Variants in CEP290 observed in about 807,000 individuals in gnomAD.
CEP290 encodes the protein centrosomal protein of 290 kDa.
CEP290 carries 317 observed loss-of-function variants against 344.9 expected under a neutral mutation model. The observed-to-expected ratio is 0.92, with a 90% CI of 0.84 to 1.01. The LOEUF (loss-of-function observed/expected upper bound fraction) is 1.01, where lower values mean the gene tolerates loss of function less well. Among genes scored for constraint, CEP290 ranks in the 50% least tolerant of loss-of-function variants. The probability of loss-of-function intolerance (pLI) is 0.00; values close to 1 mark genes in which losing one functional copy is unlikely to be tolerated. For synonymous variants in CEP290, 932 were observed against 895.8 expected, an observed-to-expected ratio of 1.04 and a Z score of -0.72; for missense variants, 2,754 against 2,761.4, an observed-to-expected ratio of 1.00 and a Z score of 0.06.
intron 44 of CEP290, among the ~76,000 whole-genome samples, chr12:88,064,984 T>C (rs2034792863): frequency 6.6e-6 from 1 of 152,156 alleles, no homozygotes; most frequent in African/African-American, 2.4e-5. Context: ...ATTAATATTA[T>C]ATTTTCATTT....
At chr12:88,119,117 T>C (rs1382012822) in intron 15 of CEP290, among the ~76,000 whole-genome samples, 2 of 147,308 alleles carry the variant, frequency 1.4e-5, no homozygotes, top group African/African-American at 5.4e-5. Context: ...ATAGTCCAAG[T>C]TGATCAGAAG....
At chr12:88,082,944 C>T (rs2036298504) in intron 37 of CEP290, 87 bp downstream of exon 37, 1 of 731,872 alleles carries the variant, frequency 1.4e-6, no homozygotes, top group South Asian at 2.1e-5. Flanking sequence ...AGTCTTAGAA[C>T]AGTGCCTGGC....
At chr12:88,063,835 A>G (rs1279449960) in intron 45 of CEP290, 146 bp downstream of exon 45, 1 of 654,512 alleles carries the variant, frequency 1.5e-6, no homozygotes, top group Non-Finnish European at 2.4e-6. Flanking sequence ...AATAAATGCT[A>G]AAGAGCAAAT....
At chr12:88,082,463 T>C (rs1164888526) in intron 37 of CEP290, among the ~76,000 whole-genome samples, 1 of 152,128 alleles carries the variant, frequency 6.6e-6, no homozygotes, top group African/African-American at 2.4e-5. Context: ...GAGGCCGAAG[T>C]GGGCGGATCA....
intron 23 of CEP290, among the ~76,000 whole-genome samples, chr12:88,107,880 T>C (rs919165295): frequency 6.7e-5 from 10 of 149,410 alleles, no homozygotes; most frequent in Non-Finnish European, 1.3e-4. Flanking sequence ...CCAGCCTGGG[T>C]GACAGAGCAA....
chr12:88,139,047 C>T, intron 5 of CEP290, 98 bp downstream of exon 5: 1 of 662,366 alleles, frequency 1.5e-6, no homozygotes, highest in Non-Finnish European at 2.7e-6. Context: ...TTACAATCAT[C>T]CTTATAATTT....
At chr12:88,051,722 T>A (rs956466841) in intron 52 of CEP290, 7 of 152,150 alleles carry the variant, frequency 4.6e-5, no homozygotes, top group African/African-American at 1.2e-4. Flanking sequence ...TTAATGCACA[T>A]GCACCTGATC....
intron 31 of CEP290, among the ~76,000 whole-genome samples, chr12:88,088,170 T>A (rs187142739): frequency 7.9e-5 from 12 of 152,352 alleles, no homozygotes; most frequent in African/African-American, 2.6e-4. Flanking sequence ...TATGTTGGAA[T>A]GGACATCACT....
intron 41 of CEP290, among the ~76,000 whole-genome samples, chr12:88,074,157 G>A (rs749632495): frequency 3.9e-5 from 6 of 152,040 alleles, no homozygotes; most frequent in Non-Finnish European, 8.8e-5. Flanking sequence ...CCCAGGAGGC[G>A]GAGGTTGCAG....
At chr12:88,054,466 A>G in intron 50 of CEP290, 53 bp from the exon 51 acceptor site, 1 of 1,291,288 alleles carries the variant, frequency 7.7e-7, no homozygotes, top group Non-Finnish European at 1.1e-6. Flanking sequence ...AAATATGAGG[A>G]TTTATAAAGA....
In CEP290 at chr12:88,089,014, T is replaced by A; in HGVS notation, c.4029+18A>T. ...AGATACTGTCTCTTAAAAAAAAAAATCAAGTTTAAATGTTTACCTTTTGGG... is the reference window on the plus strand; with the variant it reads ...AGATACTGTCTCTTAAAAAAAAAAAACAAGTTTAAATGTTTACCTTTTGGG... On this transcript the variant is annotated intron_variant, in intron 31 of 53. Transcript: ENST00000552810. The A allele has an allele frequency of 6.9e-7, 1 of 1,455,692 alleles. No individual in the cohort carries two copies. The highest frequency in any genetic ancestry group is 9.2e-7 in the Non-Finnish European group (1 of 1,092,458). 90.2% of individuals were successfully genotyped at this position (1,455,692 alleles called of 1,614,324 possible). A position where few individuals can be genotyped will look rare whatever the true frequency, so the allele number is the denominator to read the frequency against.
intron 26 of CEP290, among the ~76,000 whole-genome samples, chr12:88,099,332 T>C (rs1429944715): frequency 1.3e-5 from 2 of 152,214 alleles, no homozygotes; most frequent in East Asian, 1.9e-4. Context: ...GAGTTCATTG[T>C]GGACACGTTA....
chr12:88,071,541 T>C lies in CEP290; in HGVS notation c.5856-92A>G. 8 of 1,068,294 alleles carry C rather than the reference T, an allele frequency of 7.5e-6. No individual in the cohort carries two copies. The South Asian group carries it at 1.3e-4, about 18-fold the overall frequency. The allele number at this position is 1,068,294 out of a possible 1,614,324, so 66.2% of individuals were successfully genotyped here. On this transcript the variant is annotated intron_variant, in intron 42 of 53. Coordinates refer to ENST00000552810, the MANE Select transcript of CEP290 (RefSeq NM_025114.4). ...TTACCAAACCAAATTACAATAATTG[T>C]AACACCCTATATTTGTCATAAGCTA... is the stretch of plus-strand genomic sequence containing the variant.
intron 50 of CEP290, 47 bp downstream of exon 50, chr12:88,055,529 G>A (rs568347032): frequency 1.2e-5 from 18 of 1,470,880 alleles, no homozygotes; most frequent in East Asian, 9.6e-5. Context: ...AACATCTTGC[G>A]ATATTATGCA....
rs1374659944 is a variant in CEP290, at chr12:88,077,700, T to G, written c.5583A>C (p.Leu1861Phe). The G allele has an allele frequency of 1.4e-5, 21 of 1,514,618 alleles. No individual in the cohort carries two copies. The highest frequency in any genetic ancestry group is 1.8e-5 in the Non-Finnish European group (20 of 1,117,562). The allele number at this position is 1,514,618 out of a possible 1,614,324, so 93.8% of individuals were successfully genotyped here. A position where few individuals can be genotyped will look rare whatever the true frequency, so the allele number is the denominator to read the frequency against. ...KRQIKRLTSGLQGKPLTDNKQ... is the reference protein window; with the variant it reads ...KRQIKRLTSGFQGKPLTDNKQ... ...TCAGAGTTAAATATAAAATTACCTG[T>G]AATCCACTGGTTAGTCTTTTAATTT... The change falls in exon 40 of 54, where the codon TTA becomes TTC. Residue 1861 changes from leucine (L) to phenylalanine (F), a missense_variant. Physicochemically the swap from Leu to Phe is conservative, Grantham distance 22. Coordinates refer to ENST00000552810, the MANE Select transcript of CEP290 (RefSeq NM_025114.4).
chr12:88,132,044 T>C (rs527340930), intron 6 of CEP290, among the ~76,000 whole-genome samples: 1 of 152,346 alleles, frequency 6.6e-6, no homozygotes, highest in South Asian at 2.1e-4. Flanking sequence ...AGTTTTCTCA[T>C]ACATGCTGAC....
At chr12:88,131,555 G>A (rs1305578716) in intron 6 of CEP290, among the ~76,000 whole-genome samples, 2 of 152,054 alleles carry the variant, frequency 1.3e-5, no homozygotes, top group African/African-American at 4.8e-5. Flanking sequence ...GAGCCACTGT[G>A]CCTGGCCATC....
At position 88,053,686 on chromosome 12, in the gene CEP290, G is replaced by C. The variant is rs770118869; in HGVS notation, c.7095C>G (p.Asn2365Lys). Residue 2365 changes from asparagine to lysine, a missense_variant, in exon 52 of 54, where the codon AAC (asparagine) becomes AAG (lysine). Physicochemically the swap from Asn to Lys is moderately conservative, Grantham distance 94 (BLOSUM62 0). Coordinates refer to ENST00000552810, the MANE Select transcript of CEP290 (RefSeq NM_025114.4). Reference sequence around the variant, plus strand: ...TGCTTTCAGCTCCACTTTGGTCCTTGTTAGCTTCTATCTGATGGATTAATT... The same window carrying C: ...TGCTTTCAGCTCCACTTTGGTCCTTCTTAGCTTCTATCTGATGGATTAATT... ...KAELIHQIEA[N>K]KDQSGAESTI... 3.9e-6 allele frequency: 6 copies of C among 1,550,788 alleles called. No individual in the cohort carries two copies. The South Asian group carries it at 7.4e-5, about 19-fold the overall frequency.
Position 88,089,451 on chromosome 12 carries a change from G to A in CEP290, c.3610C>T (p.His1204Tyr), listed in dbSNP as rs764921630. The A allele has an allele frequency of 9.5e-6, 15 of 1,573,396 alleles. No individual in the cohort carries two copies. In the South Asian group the frequency reaches 1.4e-4, roughly 15 times the overall value. The change falls in exon 31 of 54, where the codon CAC becomes TAC. Residue 1204 changes from histidine (H) to tyrosine (Y), a missense_variant. Coordinates refer to ENST00000552810, the MANE Select transcript of CEP290 (RefSeq NM_025114.4). ...SDEKSLIAKL[H>Y]QHNVSLQLSE... Reference sequence around the variant, plus strand: ...AGTTGAAGAGAGACATTATGTTGGTGCAACTTGGCAATGAGCGACTTTTCA... The same window carrying A: ...AGTTGAAGAGAGACATTATGTTGGTACAACTTGGCAATGAGCGACTTTTCA...
Sources: allele counts gnomAD v4.1 joint callset (sites outside exome capture counted in the v4.1 genomes callset), GRCh38; gene constraint gnomAD v4.1.1; transcripts MANE v1.5; gene names NCBI Gene and HGNC (gene_info 2026-07-23, HGNC 2026-07-21).